DCDC2: variants seen among roughly 807,000 people sequenced by gnomAD.
The protein encoded by DCDC2 is doublecortin domain containing 2.
DCDC2 carries 40 observed loss-of-function variants against 50.2 expected under a neutral mutation model. The observed-to-expected ratio is 0.80, with a 90% confidence interval of 0.62 to 1.04. DCDC2 has a LOEUF of 1.04. Ranked by LOEUF, DCDC2 falls within the 50% of genes least tolerant of loss-of-function variation. The pLI, the probability that DCDC2 is intolerant of heterozygous loss-of-function variation, is 0.00. For missense variants in DCDC2, 570 were observed against 581.9 expected (o/e 0.98, Z 0.21); for synonymous variants, 234 against 210.6 (o/e 1.11, Z -0.96).
chr6:24,298,242 G>A (rs964680873), intron 4 of DCDC2, among the ~76,000 whole-genome samples: 1 of 152,184 alleles, frequency 6.6e-6, no homozygotes. Context: ...GAGTGCAGGC[G>A]GTGATGCTCG....
intron 4 of DCDC2, among the ~76,000 whole-genome samples, chr6:24,291,695 C>A (rs907002813): frequency 6.6e-6 from 1 of 151,678 alleles, no homozygotes; most frequent in Admixed American, 6.6e-5. Flanking sequence ...CCGTTTTAGC[C>A]GGGATGGTCT....
intron 7 of DCDC2, among the ~76,000 whole-genome samples, chr6:24,213,104 C>T (rs1361240585): frequency 6.6e-6 from 1 of 152,088 alleles, no homozygotes; most frequent in Non-Finnish European, 1.5e-5. Context: ...TTTAAGCCTA[C>T]CATTCTTGCT....
chr6:24,238,938 T>C (rs549471556), intron 7 of DCDC2, among the ~76,000 whole-genome samples: 1 of 152,282 alleles, frequency 6.6e-6, no homozygotes, highest in Admixed American at 6.5e-5. Flanking sequence ...CTGCCTACTA[T>C]AGGAGAGAGT....
chr6:24,214,803 G>A (rs1761940478), intron 7 of DCDC2, among the ~76,000 whole-genome samples: 1 of 152,166 alleles, frequency 6.6e-6, no homozygotes, highest in South Asian at 2.1e-4. Context: ...TGTATCAGAA[G>A]AGTTAGCCAT....
the DCDC2 span, among the ~76,000 whole-genome samples, chr6:24,375,421 C>T: frequency 4.2e-5 from 2 of 47,108 alleles, no homozygotes; most frequent in African/African-American, 1.5e-4. Flanking sequence ...GTGTAAACTC[C>T]CCCCCCCAAC....
chr6:24,333,274 A>C (rs1759999471), intron 2 of DCDC2, among the ~76,000 whole-genome samples: 1 of 152,048 alleles, frequency 6.6e-6, no homozygotes, highest in Non-Finnish European at 1.5e-5. Context: ...AGAGAGAAAA[A>C]ACATACTCCA....
chr6:24,222,247 G>C (rs1205212253), intron 7 of DCDC2, among the ~76,000 whole-genome samples: 1 of 152,224 alleles, frequency 6.6e-6, no homozygotes, highest in African/African-American at 2.4e-5. Context: ...TGATGAGTTT[G>C]AGTCTAGCGG....
At chr6:24,176,981 C>T (rs1164002257) in intron 9 of DCDC2, among the ~76,000 whole-genome samples, 2 of 152,184 alleles carry the variant, frequency 1.3e-5, no homozygotes, top group Non-Finnish European at 2.9e-5. Context: ...GAAGGACAGG[C>T]AATCCATTCA....
At chr6:24,265,911 A>C (rs761599051) in intron 7 of DCDC2, among the ~76,000 whole-genome samples, 81 of 151,934 alleles carry the variant, frequency 5.3e-4, no homozygotes, top group Non-Finnish European at 1.1e-3. Flanking sequence ...GAAATAAATG[A>C]AATTGAAACA....
intron 2 of DCDC2, among the ~76,000 whole-genome samples, chr6:24,321,457 T>C (rs543537347): frequency 6.6e-6 from 1 of 152,312 alleles, no homozygotes; most frequent in Non-Finnish European, 1.5e-5. Context: ...TAATATGACA[T>C]GTCAGCATCA....
Position 24,210,125 on chromosome 6 carries a change from T to C in DCDC2, c.923-5023A>G, listed in dbSNP as rs191626213. Among the ~76,000 whole-genome samples, 47 of 151,876 alleles carry C rather than the reference T, an allele frequency of 3.1e-4. 1 individual carries two copies. The East Asian group carries it at 8.5e-3, about 28-fold the overall frequency. ...TCCTGGTTTTACCAGAAGTTTCTCC[T>C]AAGTCTCCTTGGCCAATCCATCCTC... is the stretch of plus-strand genomic sequence containing the variant. On this transcript the variant is annotated intron_variant, in intron 7 of 9. Transcript: ENST00000378454.
intron 6 of DCDC2, 95 bp downstream of exon 6, chr6:24,288,757 T>G (rs1763673539): frequency 1.7e-6 from 2 of 1,182,770 alleles, no homozygotes. Flanking sequence ...AGCGGCTAAG[T>G]TTTATCTCTT....
chr6:24,239,675 C>T (rs1264354406), intron 7 of DCDC2, among the ~76,000 whole-genome samples: 1 of 152,088 alleles, frequency 6.6e-6, no homozygotes, highest in African/African-American at 2.4e-5. Flanking sequence ...TGTTCCCAGG[C>T]TAAAAGGAAA....
intron 8 of DCDC2, among the ~76,000 whole-genome samples, chr6:24,191,432 A>T (rs1761313201): frequency 6.6e-6 from 1 of 152,214 alleles, no homozygotes; most frequent in Non-Finnish European, 1.5e-5. Context: ...TATATTATGT[A>T]TGTGTAGACC....
At chr6:24,240,096 T>C (rs892636268) in intron 7 of DCDC2, among the ~76,000 whole-genome samples, 2 of 152,190 alleles carry the variant, frequency 1.3e-5, no homozygotes, top group Non-Finnish European at 2.9e-5. Flanking sequence ...AACTCACATC[T>C]AGCATTATCT....
At chr6:24,205,262 C>A in intron 7 of DCDC2, 160 bp from the exon 8 acceptor site, 3 of 1,561,608 alleles carry the variant, frequency 1.9e-6, no homozygotes, top group Non-Finnish European at 2.6e-6. Flanking sequence ...CCACACCACC[C>A]CCAGTTGTTC....
intron 7 of DCDC2, among the ~76,000 whole-genome samples, chr6:24,240,808 C>A (rs562138847): frequency 3.9e-5 from 6 of 152,210 alleles, no homozygotes; most frequent in African/African-American, 1.2e-4. Flanking sequence ...TTTAGGCTAT[C>A]GTAACACTTC....
chr6:24,358,811 TA>T (rs1561788238), upstream of DCDC2, among the ~76,000 whole-genome samples: 10 of 28,286 alleles, frequency 3.5e-4, no homozygotes, highest in African/African-American at 1.2e-3. Context: ...ATATATTATA[TA>T]TAAATATATA....
intron 6 of DCDC2, among the ~76,000 whole-genome samples, chr6:24,281,736 A>ATC (rs1019552172): frequency 2.0e-5 from 3 of 152,172 alleles, no homozygotes; most frequent in African/African-American, 7.2e-5. Context: ...ATACATAGAT[A>ATC]GTCATTGCTA....
Sources: allele counts gnomAD v4.1 joint callset (sites outside exome capture counted in the v4.1 genomes callset), GRCh38; gene constraint gnomAD v4.1.1; transcripts MANE v1.5; gene names NCBI Gene and HGNC (gene_info 2026-07-23, HGNC 2026-07-21).